Variants in PCBP4 observed in about 807,000 individuals in gnomAD.
PCBP4 encodes poly(rC)-binding protein 4.
Under a neutral mutation model 46.2 loss-of-function variants are expected in PCBP4, and 24 were observed. That is an observed-to-expected ratio of 0.52 (90% CI 0.38 to 0.73). The LOEUF is 0.73. Ranked by LOEUF, PCBP4 falls within the 30% of genes least tolerant of loss-of-function variation. PCBP4 has a pLI of 0.00. For missense variants in PCBP4, 407 were observed against 537.0 expected, an observed-to-expected ratio of 0.76 and a Z score of 2.39; for synonymous variants, 203 against 224.4, an observed-to-expected ratio of 0.90 and a Z score of 0.85.
Position 51,959,600 on chromosome 3 carries a change from T to C in PCBP4, c.568A>G (p.Thr190Ala). 3.2e-6 allele frequency: 5 copies of C among 1,553,022 alleles called. No homozygotes were observed. Among genetic ancestry groups the C allele is most frequent in the Non-Finnish European group, 4.4e-6 (5 of 1,147,510 alleles). The change falls in exon 9 of 14, where the codon ACT becomes GCT. Residue 190 changes from threonine to alanine, a missense_variant. By Grantham distance (58) the Thr-to-Ala change is moderately conservative. Transcript: ENST00000461554. This position sits in a 1 kb window ranked among gnomAD's most constrained non-coding sequence, Gnocchi z 5.6. ...ACCTGGTTGGCAGAGAGAAGAACAG[T>C]ACCTAGGGAGAGGCTCGGATGGTAG... ...IPYHPSLSLG[T>A]VLLSANQGFS...
In PCBP4 at chr3:51,960,916, C is replaced by T; in HGVS notation, c.106-18G>A. On this transcript the variant is annotated intron_variant, in intron 4 of 13. Coordinates refer to ENST00000461554, the MANE Select transcript of PCBP4 (RefSeq NM_001174100.2). The surrounding 1 kb of genome is among the most constrained non-coding windows in gnomAD (Gnocchi z 5.0). ...TCGCCCTTCTGTGGGAGGTACAAAA[C>T]AGATAATCACTCTTAACTTAGAGGT... 6.2e-7 allele frequency: 1 copy of T among 1,614,200 alleles called. No homozygotes were observed. The highest frequency in any genetic ancestry group is 8.5e-7 in the Non-Finnish European group (1 of 1,180,020).
intron 2 of PCBP4, 112 bp from the exon 3 acceptor site, chr3:51,961,416 C>T (rs1700173959): frequency 8.1e-7 from 1 of 1,237,322 alleles, no homozygotes; most frequent in African/African-American, 1.5e-5. Flanking sequence ...AAAGAGACTG[C>T]ATGGACCTTG....
intron 1 of PCBP4, among the ~76,000 whole-genome samples, chr3:51,966,801 C>T (rs1368171899): frequency 6.6e-6 from 1 of 151,898 alleles, no homozygotes; most frequent in Admixed American, 6.5e-5. Flanking sequence ...CAGAGCCTCC[C>T]ACCCCCACCC....
At chr3:51,965,724 A>G (rs1700388948) in intron 1 of PCBP4, among the ~76,000 whole-genome samples, 1 of 152,212 alleles carries the variant, frequency 6.6e-6, no homozygotes, top group Admixed American at 6.5e-5. Context: ...GGCCAGCCAC[A>G]TGGGCAGAGG....
rs946803320 is a variant in PCBP4 at position 51,959,519 on chromosome 3, T to C, written c.591+58A>G. On this transcript the variant is annotated intron_variant, in intron 9 of 13. Coordinates refer to ENST00000461554, the MANE Select transcript of PCBP4 (RefSeq NM_001174100.2). The surrounding 1 kb of genome is among the most constrained non-coding windows in gnomAD (Gnocchi z 5.6). ...TCCAATTCCTTCTTCCATCCCCTCC[T>C]CTATCTCAATCCCCCTTCTCCAGTA... 2 of 1,530,054 alleles carry C rather than the reference T, an allele frequency of 1.3e-6. No individual in the cohort carries two copies. Among genetic ancestry groups the C allele is most frequent in the African/African-American group, 2.8e-5 (2 of 72,636 alleles). The allele number at this position is 1,530,054 out of a possible 1,614,324, so 94.8% of individuals were successfully genotyped here. A position where few individuals can be genotyped will look rare whatever the true frequency, so the allele number is the denominator to read the frequency against.
intron 2 of PCBP4, chr3:51,961,695 GAGGTAAC>G: frequency 5.1e-6 from 5 of 971,170 alleles, no homozygotes; most frequent in Non-Finnish European, 6.2e-6. Context: ...CCTCTTGGAA[GAGGTAAC>G]CTCTGTGGAT....
rs771781741 is a variant in PCBP4 at position 51,959,934 on chromosome 3, G to A, written c.477C>T (p.Ile159=). 1 of 1,608,842 alleles carries A rather than the reference G, an allele frequency of 6.2e-7. No homozygotes were observed. The highest frequency in any genetic ancestry group is 1.1e-5 in the South Asian group (1 of 90,518). Residue 159 remains isoleucine (I), a synonymous_variant, in exon 8 of 14, where the codon ATC becomes ATT. Transcript: ENST00000461554. The surrounding 1 kb of genome is among the most constrained non-coding windows in gnomAD (Gnocchi z 5.6). The part of the protein sequence containing the change: ...AVTVSGVPDA[I]ILCVRQICAV... ...CGCAGATCTGGCGCACACACAGGAT[G>A]ATGGCATCAGGCACCCCAGATACCG... is the stretch of plus-strand genomic sequence containing the variant.
intron 1 of PCBP4, among the ~76,000 whole-genome samples, chr3:51,965,168 G>C (rs1700362064): frequency 6.6e-6 from 1 of 152,190 alleles, no homozygotes; most frequent in Admixed American, 6.5e-5. Context: ...GCTGAAAACT[G>C]TATGCTTACT....
At position 51,962,009 on chromosome 3, in the gene PCBP4, G is replaced by A. The variant is rs918518256; in HGVS notation, c.-133C>T. On this transcript the variant is annotated 5_prime_UTR_variant, in exon 2 of 14. Transcript: ENST00000461554. ...AGGGTTCATTCAGCACTGGGCTGCAGTGGGTGGGGCACAGCGTGTCAGGGG... is the reference window on the plus strand; with the variant it reads ...AGGGTTCATTCAGCACTGGGCTGCAATGGGTGGGGCACAGCGTGTCAGGGG... 6.6e-6 allele frequency: 1 copy of A among 152,546 alleles called. No homozygotes were observed. The highest frequency in any genetic ancestry group is 1.5e-5 in the Non-Finnish European group (1 of 68,232). The allele number at this position is 152,546 out of a possible 1,614,324, so 9.4% of individuals were successfully genotyped here. A position where few individuals can be genotyped will look rare whatever the true frequency, so the allele number is the denominator to read the frequency against.
At chr3:51,964,967 T>G (rs1186043414) in intron 1 of PCBP4, among the ~76,000 whole-genome samples, 4 of 152,314 alleles carry the variant, frequency 2.6e-5, no homozygotes, top group Admixed American at 2.0e-4. Flanking sequence ...TCTGACAAGT[T>G]GGCAGGTGCC....
intron 1 of PCBP4, among the ~76,000 whole-genome samples, chr3:51,966,621 C>T (rs1044939776): frequency 3.9e-5 from 6 of 152,054 alleles, no homozygotes; most frequent in Admixed American, 3.9e-4. Context: ...AGGAATGCAA[C>T]TGGCCCTGGG....
In PCBP4 at chr3:51,957,496, A is replaced by G. The variant is rs1007311295; in HGVS notation, c.*565T>C. 3 of 166,222 alleles carry G rather than the reference A, an allele frequency of 1.8e-5. No individual in the cohort carries two copies. Among genetic ancestry groups the G allele is most frequent in the Admixed American group, 1.3e-4 (2 of 15,296 alleles). The allele number at this position is 166,222 out of a possible 1,614,324, so 10.3% of individuals were successfully genotyped here. On this transcript the variant is annotated 3_prime_UTR_variant, in exon 14 of 14. Coordinates refer to ENST00000461554, the MANE Select transcript of PCBP4 (RefSeq NM_001174100.2). Reference sequence around the variant, plus strand: ...TATTTATTCAAAAACAGGGATTGAAAAAACTGTACAGAGTGTCTGCTGCTG... The same window carrying G: ...TATTTATTCAAAAACAGGGATTGAAGAAACTGTACAGAGTGTCTGCTGCTG...
rs1200683360 is a variant in PCBP4 at position 51,960,396 on chromosome 3, C to T, written c.256-76G>A. 3.8e-6 allele frequency: 6 copies of T among 1,579,982 alleles called. No homozygotes were observed. The highest frequency in any genetic ancestry group is 5.2e-6 in the Non-Finnish European group (6 of 1,158,582). ...CCAGGGGTCAGGAGGGTACCCTTTC[C>T]CCAGTCCCACTTCAAGGGAACACTG... is the stretch of plus-strand genomic sequence containing the variant. On this transcript the variant is annotated intron_variant, in intron 6 of 13. Transcript: ENST00000461554. The surrounding 1 kb of genome is among the most constrained non-coding windows in gnomAD (Gnocchi z 5.0).
chr3:51,960,429 C>T lies in PCBP4; in HGVS notation c.255+97G>A, dbSNP rs1700093458. On this transcript the variant is annotated intron_variant, in intron 6 of 13. Transcript: ENST00000461554. This position sits in a 1 kb window ranked among gnomAD's most constrained non-coding sequence, Gnocchi z 5.0. The stretch of plus-strand genomic sequence containing the variant: ...CACTTCAAGGGAACACTGCCCTGGG[C>T]TTGACCTCCCCTCCCACCCATAGCC... 1 of 1,561,680 alleles carries T rather than the reference C, an allele frequency of 6.4e-7. No homozygotes were observed. The highest frequency in any genetic ancestry group is 8.8e-7 in the Non-Finnish European group (1 of 1,137,438).
In PCBP4 at chr3:51,961,173, A is replaced by G; in HGVS notation, c.68T>C (p.Leu23Pro). The change falls in exon 3 of 14, where the codon CTG (leucine) becomes CCG (proline). Residue 23 changes from leucine to proline, a missense_variant. Transcript: ENST00000461554. ...CCTCCCGCTCACCTTCCCGTGCATC[A>G]GCATCCGCAGCGTGAGGGTGATGCT... is the stretch of plus-strand genomic sequence containing the variant. ...ELSITLTLRM[L>P]MHGKEVGSII... 1 of 1,613,632 alleles carries G rather than the reference A, an allele frequency of 6.2e-7. No homozygotes were observed. Among genetic ancestry groups the G allele is most frequent in the Non-Finnish European group, 8.5e-7 (1 of 1,179,988 alleles).
chr3:51,958,683 C>T lies in PCBP4; in HGVS notation c.923+107G>A, dbSNP rs776367361. 44 of 1,288,058 alleles carry T rather than the reference C, an allele frequency of 3.4e-5. No homozygotes were observed. Among genetic ancestry groups the T allele is most frequent in the Non-Finnish European group, 4.5e-5 (42 of 939,020 alleles). The allele number at this position is 1,288,058 out of a possible 1,614,324, so 79.8% of individuals were successfully genotyped here. Reference sequence around the variant, plus strand: ...GAGTAGGGTTAGGAGAGGCAGAGGTCGGGCCCAGACAGAGAGAGGAGGCCA... The same window carrying T: ...GAGTAGGGTTAGGAGAGGCAGAGGTTGGGCCCAGACAGAGAGAGGAGGCCA... On this transcript the variant is annotated intron_variant, in intron 13 of 13. Transcript: ENST00000461554. The surrounding 1 kb of genome is among the most constrained non-coding windows in gnomAD (Gnocchi z 5.4).
At position 51,960,370 on chromosome 3, in the gene PCBP4, C is replaced by T. The variant is rs760787046; in HGVS notation, c.256-50G>A. On this transcript the variant is annotated intron_variant, in intron 6 of 13. Transcript: ENST00000461554. The surrounding 1 kb of genome is among the most constrained non-coding windows in gnomAD (Gnocchi z 5.0). Reference sequence around the variant, plus strand: ...GCCATGCTCGTCCCTGCTATATCTGCCCAGGGGTCAGGAGGGTACCCTTTC... The same window carrying T: ...GCCATGCTCGTCCCTGCTATATCTGTCCAGGGGTCAGGAGGGTACCCTTTC... 1 of 1,597,452 alleles carries T rather than the reference C, an allele frequency of 6.3e-7. No homozygotes were observed. Among genetic ancestry groups the T allele is most frequent in the Non-Finnish European group, 8.5e-7 (1 of 1,170,852 alleles).
chr3:51,959,146 CCCA>C lies in PCBP4; in HGVS notation c.701-50_701-48del. The C allele has an allele frequency of 6.2e-7, 1 of 1,612,708 alleles. No homozygotes were observed. Among genetic ancestry groups the C allele is most frequent in the Non-Finnish European group, 8.5e-7 (1 of 1,179,364 alleles). On this transcript the variant is annotated intron_variant, in intron 11 of 13. Coordinates refer to ENST00000461554, the MANE Select transcript of PCBP4 (RefSeq NM_001174100.2). The surrounding 1 kb of genome is among the most constrained non-coding windows in gnomAD (Gnocchi z 5.6). The stretch of plus-strand genomic sequence containing the variant: ...GAGTGTGGTTCTGGGCCTTTCCCGC[CCCA>C]CCATTTCCACTCTCCCTGGAAGGGA...
In PCBP4 at chr3:51,958,259, C is replaced by T; in HGVS notation, c.1014G>A (p.Leu338=). Residue 338 remains leucine (L), a synonymous_variant, in exon 14 of 14, where the codon CTG becomes CTA. Transcript: ENST00000461554. This position sits in a 1 kb window ranked among gnomAD's most constrained non-coding sequence, Gnocchi z 5.4. ...CCAGCAGGCCAGGGGGAGCTGTGGG[C>T]AGGGCCGTCAGGGGTGGCGAGAAGG... ...PAPFSPPLTA[L]PTAPPGLLGT... 2 of 1,591,106 alleles carry T rather than the reference C, an allele frequency of 1.3e-6. No individual in the cohort carries two copies. The highest frequency in any genetic ancestry group is 1.7e-6 in the Non-Finnish European group (2 of 1,169,988).
Sources: gnomAD v4.1 joint callset for allele counts (sites outside exome capture counted in the v4.1 genomes callset) on GRCh38, gnomAD v4.1.1 for gene constraint, Gnocchi (gnomAD v3.1) non-coding constraint, MANE v1.5 for transcripts, NCBI Gene and HGNC (gene_info 2026-07-23, HGNC 2026-07-21) for gene names.